The following PHF8 variants were observed in gnomAD, a reference collection of about 807,000 sequenced individuals.
PHF8 encodes histone lysine demethylase PHF8.
Under a neutral mutation model 74.4 loss-of-function variants are expected in PHF8, and 9 were observed. The observed-to-expected ratio is 0.12, with a 90% CI of 0.07 to 0.21. The LOEUF is 0.21. Among genes scored for constraint, PHF8 ranks in the 10% least tolerant of loss-of-function variants. PHF8 has a pLI of 1.00. For missense variants in PHF8, 478 were observed against 816.6 expected (o/e 0.59, Z 5.05); for synonymous variants, 311 against 316.6 (o/e 0.98, Z 0.19).
rs1188826971 is a variant in PHF8 at position 53,993,555 on chromosome X, A to G, written c.1626+46T>C. 3.6e-6 allele frequency: 4 copies of G among 1,122,156 alleles called. No homozygotes were observed. The Admixed American group carries it at 8.8e-5, about 25-fold the overall frequency. 92.5% of individuals were successfully genotyped at this position (1,122,156 alleles called of 1,213,427 possible). On this transcript the variant is annotated intron_variant, in intron 13 of 21. Coordinates refer to ENST00000338154, the MANE Select transcript of PHF8 (RefSeq NM_015107.3). ...TGCTTTTTGAAACCCTGCTCTTCCA[A>G]GGGACACCCAAAAGGGTTGGGCTGA...
chrX:53,960,730 G>C (rs1442815262), intron 19 of PHF8, among the ~76,000 whole-genome samples: 2 of 108,854 alleles, frequency 1.8e-5, no homozygotes, highest in African/African-American at 6.7e-5. Flanking sequence ...GCCTGGGACA[G>C]AGCTAGACTC....
intron 11 of PHF8, among the ~76,000 whole-genome samples, chrX:53,996,917 G>A (rs781929919): frequency 1.8e-5 from 2 of 112,216 alleles, no homozygotes. Context: ...TCTTAGATAG[G>A]ACATAAGCAT....
At chrX:53,978,559 G>A in intron 18 of PHF8, among the ~76,000 whole-genome samples, 1 of 110,795 alleles carries the variant, frequency 9.0e-6, no homozygotes, top group East Asian at 2.9e-4. Context: ...AGCACTTTGG[G>A]AGGCTGAGGC....
chrX:53,967,470 C>A lies in PHF8; in HGVS notation c.2444-4531G>T, dbSNP rs782046564. On this transcript the variant is annotated intron_variant, in intron 18 of 21. Transcript: ENST00000338154. ...TGAGGAGCCCCTCTGCCCGGCCAGC[C>A]ACCTCATCCGGGAGGGAGGTGGGGG... Among the ~76,000 whole-genome samples the A allele has an allele frequency of 4.0e-5, 4 of 99,640 alleles. No individual in the cohort carries two copies. The East Asian group carries it at 1.3e-3, about 34-fold the overall frequency. The allele number at this position is 99,640 out of a possible 115,157, so 86.5% of individuals were successfully genotyped here. A position where few individuals can be genotyped will look rare whatever the true frequency, so the allele number is the denominator to read the frequency against.
intron 7 of PHF8, among the ~76,000 whole-genome samples, chrX:54,012,371 G>C (rs2065996577): frequency 8.9e-6 from 1 of 111,809 alleles, no homozygotes; most frequent in South Asian, 3.7e-4. Context: ...CCTAACATTT[G>C]CATAATAGCA....
At chrX:54,018,449 CTGTCT>C (rs1557108827) in intron 4 of PHF8, among the ~76,000 whole-genome samples, 4 of 96,469 alleles carry the variant, frequency 4.1e-5, no homozygotes, top group African/African-American at 1.7e-4. Context: ...GAGAGAGTCC[CTGTCT>C]TTTTTTTTTT....
At chrX:54,043,426 T>C (rs1381238187) in intron 1 of PHF8, among the ~76,000 whole-genome samples, 12 of 110,816 alleles carry the variant, frequency 1.1e-4, no homozygotes, top group African/African-American at 3.6e-4. Flanking sequence ...CTCAATATCA[T>C]TCCTTCCCCG....
intron 19 of PHF8, among the ~76,000 whole-genome samples, chrX:53,949,597 G>A (rs2064886859): frequency 9.1e-6 from 1 of 109,662 alleles, no homozygotes; most frequent in African/African-American, 3.3e-5. Flanking sequence ...TGGATCAGGA[G>A]GTCAGGAGAT....
intron 6 of PHF8, among the ~76,000 whole-genome samples, chrX:54,015,367 G>C (rs2149875473): frequency 9.1e-6 from 1 of 110,243 alleles, no homozygotes; most frequent in East Asian, 2.8e-4. Context: ...ACGAGGTCAG[G>C]AGATCGAGAC....
Position 54,042,761 on chromosome X carries a change from C to A in PHF8, c.-33G>T, listed in dbSNP as rs2066581958. ...CGGCCCTGGAGCGTTCTGCGGCCGG[C>A]CAGGTTCGTCGTGTCAAGAGGGGCG... On this transcript the variant is annotated 5_prime_UTR_variant, in exon 2 of 22. Coordinates refer to ENST00000338154, the MANE Select transcript of PHF8 (RefSeq NM_015107.3). 3 of 1,192,651 alleles carry A rather than the reference C, an allele frequency of 2.5e-6. No homozygotes were observed. Among genetic ancestry groups the A allele is most frequent in the Non-Finnish European group, 3.4e-6 (3 of 885,251 alleles).
chrX:53,938,729 C>T lies in PHF8; in HGVS notation c.*429G>A, dbSNP rs2064703843. ...GGCAAACAGAATGGGTGGAGGTGGG[C>T]AGGCTTCTGGATATAGGGCTAGAGT... On this transcript the variant is annotated 3_prime_UTR_variant, in exon 22 of 22. Transcript: ENST00000338154. The T allele has an allele frequency of 2.6e-6, 2 of 760,902 alleles. No homozygotes were observed. The highest frequency in any genetic ancestry group is 8.4e-5 in the Admixed American group (1 of 11,917). 62.7% of individuals were successfully genotyped at this position (760,902 alleles called of 1,213,427 possible).
At chrX:53,988,227 G>C (rs2065597809) in intron 14 of PHF8, among the ~76,000 whole-genome samples, 1 of 111,968 alleles carries the variant, frequency 8.9e-6, no homozygotes, top group Admixed American at 9.5e-5. Flanking sequence ...CATAAAGACA[G>C]ACATACAGCA....
chrX:54,004,425 T>C (rs897302573), intron 8 of PHF8, among the ~76,000 whole-genome samples: 1 of 111,132 alleles, frequency 9.0e-6, no homozygotes, highest in South Asian at 3.7e-4. Flanking sequence ...AAAACAGACT[T>C]GTAAAACAAT....
intron 19 of PHF8, 58 bp downstream of exon 19, chrX:53,962,786 C>T (rs2065124368): frequency 1.6e-6 from 1 of 642,459 alleles, no homozygotes; most frequent in Non-Finnish European, 2.6e-6. Flanking sequence ...TCCCACCTAC[C>T]TTGTCTATTT....
chrX:53,955,106 T>G (rs2064993498), intron 19 of PHF8, among the ~76,000 whole-genome samples: 1 of 112,012 alleles, frequency 8.9e-6, no homozygotes, highest in African/African-American at 3.2e-5. Flanking sequence ...ATTACTAATA[T>G]AGTACTTCTT....
chrX:53,945,980 A>C (rs1557085058), intron 19 of PHF8, among the ~76,000 whole-genome samples: 1 of 111,486 alleles, frequency 9.0e-6, no homozygotes, highest in Admixed American at 9.6e-5. Context: ...CTCTTGCATG[A>C]CTCTTTTATA....
intron 2 of PHF8, among the ~76,000 whole-genome samples, chrX:54,036,486 C>T (rs1401294242): frequency 3.1e-5 from 3 of 96,339 alleles, no homozygotes; most frequent in African/African-American, 1.2e-4. Context: ...AGGAGGATCA[C>T]TTTAGCCCAG....
chrX:54,010,938 C>T (rs2065973579), intron 8 of PHF8, among the ~76,000 whole-genome samples, 184 bp downstream of exon 8: 1 of 111,568 alleles, frequency 9.0e-6, no homozygotes, highest in South Asian at 3.8e-4. Context: ...TCCCCACTTT[C>T]AGCCTCCCCA....
At chrX:54,039,484 T>C (rs1419592895) in intron 2 of PHF8, 1 of 111,990 alleles carries the variant, frequency 8.9e-6, no homozygotes, top group Admixed American at 9.5e-5. Context: ...TGTTAGAGTG[T>C]ACACAGAAAC....
Sources: allele counts gnomAD v4.1 joint callset (sites outside exome capture counted in the v4.1 genomes callset), GRCh38; gene constraint gnomAD v4.1.1; transcripts MANE v1.5; gene names NCBI Gene and HGNC (gene_info 2026-07-23, HGNC 2026-07-21).